TMC5: variants seen among roughly 807,000 people sequenced by gnomAD.
TMC5 encodes the protein transmembrane channel-like protein 5.
A neutral mutation model predicts 110.5 loss-of-function variants in TMC5; 86 were observed. The ratio of observed to expected loss-of-function variants is 0.78; its 90% CI spans 0.65 to 0.93. The LOEUF (loss-of-function observed/expected upper bound fraction) is 0.93, where lower values mean the gene tolerates loss of function less well. Ranked by LOEUF, TMC5 falls within the 40% of genes least tolerant of loss-of-function variation. TMC5 has a pLI of 0.00. For missense variants in TMC5, 1,144 were observed against 1,222.8 expected (o/e 0.94, Z 0.96); for synonymous variants, 455 against 439.5 (o/e 1.04, Z -0.44).
intron 9 of TMC5, among the ~76,000 whole-genome samples, chr16:19,466,719 CA>C (rs1336289157): frequency 1.3e-5 from 2 of 152,146 alleles, no homozygotes; most frequent in Admixed American, 1.3e-4. Context: ...GGAGTTTGGA[CA>C]GAGGAAGAGA....
At chr16:19,449,081 G>C (rs1967690099) in intron 4 of TMC5, among the ~76,000 whole-genome samples, 1 of 151,762 alleles carries the variant, frequency 6.6e-6, no homozygotes, top group Non-Finnish European at 1.5e-5. Context: ...TCGATCTCCT[G>C]ACCTCGTGAT....
chr16:19,439,912 G>A, intron 2 of TMC5, 48 bp from the exon 3 acceptor site: 1 of 789,542 alleles, frequency 1.3e-6, no homozygotes, highest in East Asian at 2.5e-5. Context: ...TCTCTGCAGG[G>A]AAGAAAGGGA....
At chr16:19,455,990 G>A (rs1430768214) in intron 5 of TMC5, among the ~76,000 whole-genome samples, 2 of 151,994 alleles carry the variant, frequency 1.3e-5, no homozygotes, top group African/African-American at 2.4e-5. Context: ...GGAGGATCAC[G>A]AGGTCAGGAG....
chr16:19,442,288 T>C (rs895579759), intron 3 of TMC5, among the ~76,000 whole-genome samples: 1 of 151,936 alleles, frequency 6.6e-6, no homozygotes, highest in Non-Finnish European at 1.5e-5. Context: ...TTTTCCTGGG[T>C]TAAGATTTTT....
At chr16:19,427,465 A>T (rs549820232) in intron 1 of TMC5, among the ~76,000 whole-genome samples, 14 of 152,284 alleles carry the variant, frequency 9.2e-5, no homozygotes, top group African/African-American at 3.4e-4. Flanking sequence ...AAGAAGAAAA[A>T]TAAATAAACA....
intron 5 of TMC5, chr16:19,456,436 G>T: frequency 8.8e-7 from 1 of 1,131,580 alleles, no homozygotes; most frequent in Non-Finnish European, 1.1e-6. Context: ...TCGATTTCTT[G>T]CCTAGCTACC....
chr16:19,483,895 G>A (rs1968675711), intron 15 of TMC5, among the ~76,000 whole-genome samples: 1 of 151,978 alleles, frequency 6.6e-6, no homozygotes, highest in African/African-American at 2.4e-5. Context: ...TGGCCAACAT[G>A]GCAAAAACCC....
chr16:19,410,975 C>G (rs1966854466), exon 1 of TMC5: 1 of 152,338 alleles, frequency 6.6e-6, no homozygotes, highest in African/African-American at 2.4e-5. Context: ...GGGAGAACCA[C>G]CAGGCGCCGG....
chr16:19,469,211 G>T (rs575387785), intron 9 of TMC5, among the ~76,000 whole-genome samples: 4 of 151,900 alleles, frequency 2.6e-5, no homozygotes, highest in Admixed American at 1.3e-4. Flanking sequence ...AAAATTGGCC[G>T]GGCGTGGTGA....
At chr16:19,435,623 C>T (rs569717375) in intron 2 of TMC5, among the ~76,000 whole-genome samples, 4 of 152,262 alleles carry the variant, frequency 2.6e-5, no homozygotes, top group South Asian at 2.1e-4. Context: ...CTTTAACCAC[C>T]GCTCAAGATC....
At chr16:19,489,080 CT>C (rs1253818262) in intron 17 of TMC5, among the ~76,000 whole-genome samples, 4 of 152,220 alleles carry the variant, frequency 2.6e-5, no homozygotes, top group Non-Finnish European at 5.9e-5. Context: ...GGCATATCCA[CT>C]CTCTTCTCTC....
chr16:19,447,841 A>G (rs1224933284), intron 4 of TMC5, among the ~76,000 whole-genome samples: 1 of 152,076 alleles, frequency 6.6e-6, no homozygotes, highest in African/African-American at 2.4e-5. Flanking sequence ...GGCATACACC[A>G]CCACACCTAG....
At chr16:19,431,313 G>T (rs1361143449) in intron 2 of TMC5, among the ~76,000 whole-genome samples, 2 of 152,118 alleles carry the variant, frequency 1.3e-5, no homozygotes, top group African/African-American at 2.4e-5. Flanking sequence ...GGCCAAGGTG[G>T]GTGGATTGCC....
intron 19 of TMC5, among the ~76,000 whole-genome samples, chr16:19,494,001 T>G (rs972051566): frequency 2.6e-5 from 4 of 152,152 alleles, no homozygotes; most frequent in African/African-American, 9.7e-5. Context: ...GCAGCCGACT[T>G]CTGGAGGCTA....
chr16:19,413,193 A>C (rs1171701586), upstream of TMC5, among the ~76,000 whole-genome samples: 1 of 152,000 alleles, frequency 6.6e-6, no homozygotes, highest in Non-Finnish European at 1.5e-5. Flanking sequence ...AGTTTTGGAG[A>C]GTTCTGTGTT....
At chr16:19,449,517 A>G in intron 4 of TMC5, 25 bp from the exon 5 acceptor site, 3 of 1,598,076 alleles carry the variant, frequency 1.9e-6, no homozygotes, top group Non-Finnish European at 2.6e-6. Context: ...ACTAATCGGC[A>G]ATATCTCCTT....
At chr16:19,448,822 T>C (rs1055932872) in intron 4 of TMC5, among the ~76,000 whole-genome samples, 1 of 146,526 alleles carries the variant, frequency 6.8e-6, no homozygotes, top group Non-Finnish European at 1.5e-5. Context: ...GTATAAAATA[T>C]ATATTTATTT....
At chr16:19,479,361 C>T in intron 13 of TMC5, 70 bp from the exon 14 acceptor site, 1 of 1,161,904 alleles carries the variant, frequency 8.6e-7, no homozygotes, top group South Asian at 1.2e-5. Context: ...GTACATAGAG[C>T]CAGGAACAGA....
Position 19,472,139 on chromosome 16 carries a change from C to T in TMC5, c.1834C>T (p.Leu612=). The change falls in exon 11 of 22, where the codon CTG becomes TTG. Residue 612 remains leucine, a synonymous_variant. Transcript: ENST00000542583. The part of the protein sequence containing the change: ...QENSKLTFNQ[L]LTRFSAYMVA... ...GAATTCCAAGTTGACGTTCAATCAG[C>T]TGCTGACCCGCTTCTCTGCCTACAT... 1 of 1,614,208 alleles carries T rather than the reference C, an allele frequency of 6.2e-7. No homozygotes were observed. The highest frequency in any genetic ancestry group is 8.5e-7 in the Non-Finnish European group (1 of 1,180,024).
Sources: allele counts gnomAD v4.1 joint callset (sites outside exome capture counted in the v4.1 genomes callset), GRCh38; gene constraint gnomAD v4.1.1; transcripts MANE v1.5; gene names NCBI Gene and HGNC (gene_info 2026-07-23, HGNC 2026-07-21).